The following DNM3 variants were observed in gnomAD, a reference collection of about 807,000 sequenced individuals.
DNM3 encodes the protein dynamin 3, also known as dynamin-3.
In DNM3, 47 loss-of-function variants were observed where a neutral mutation model predicts 101.6. That is an observed-to-expected ratio of 0.46 (90% CI 0.37 to 0.59). DNM3 has a LOEUF of 0.59. Ranked by LOEUF, DNM3 falls within the 20% of genes least tolerant of loss-of-function variation. The probability of loss-of-function intolerance (pLI) is 0.00; values close to 1 mark genes in which losing one functional copy is unlikely to be tolerated. For synonymous variants in DNM3, 385 were observed against 387.9 expected, an observed-to-expected ratio of 0.99 and a Z score of 0.09; for missense variants, 849 against 1,085.7, an observed-to-expected ratio of 0.78 and a Z score of 3.06.
chr1:171,993,488 T>A (rs2045776694), intron 4 of DNM3, among the ~76,000 whole-genome samples: 1 of 146,212 alleles, frequency 6.8e-6, no homozygotes, highest in Non-Finnish European at 1.5e-5. Context: ...CTCCTGCTGC[T>A]TTCAAGATTC....
intron 1 of DNM3, among the ~76,000 whole-genome samples, chr1:171,904,744 T>C (rs544620569): frequency 3.7e-4 from 57 of 152,106 alleles, no homozygotes; most frequent in African/African-American, 1.3e-3. Context: ...TATGTGGGTG[T>C]TGGGGATGAC....
chr1:172,134,428 T>C (rs2057111105), intron 14 of DNM3, among the ~76,000 whole-genome samples: 1 of 152,130 alleles, frequency 6.6e-6, no homozygotes, highest in African/African-American at 2.4e-5. Flanking sequence ...TATTGAGTAT[T>C]TATAGTTCAC....
At chr1:172,085,874 A>G (rs2053496146) in intron 12 of DNM3, among the ~76,000 whole-genome samples, 1 of 152,110 alleles carries the variant, frequency 6.6e-6, no homozygotes, top group Non-Finnish European at 1.5e-5. Flanking sequence ...TCTAGTTCCT[A>G]ATCTTACATG....
intron 16 of DNM3, among the ~76,000 whole-genome samples, chr1:172,312,970 G>C (rs2065145047): frequency 6.6e-6 from 1 of 152,170 alleles, no homozygotes; most frequent in Admixed American, 6.5e-5. Context: ...GAAAGGAGGA[G>C]TCCTGGATTC....
chr1:171,887,344 T>C lies in DNM3; in HGVS notation c.162-34404T>C, dbSNP rs185775348. Among the ~76,000 whole-genome samples, 30 of 152,324 alleles carry C rather than the reference T, an allele frequency of 2.0e-4. No homozygotes were observed. The East Asian group carries it at 4.8e-3, about 24-fold the overall frequency. On this transcript the variant is annotated intron_variant, in intron 1 of 20. Coordinates refer to ENST00000627582, the MANE Select transcript of DNM3 (RefSeq NM_015569.5). ...AAGACTGTTCCCCTGAACTAGGGACTGTTACTTCGAAATACAGACAATATC... is the reference window on the plus strand; with the variant it reads ...AAGACTGTTCCCCTGAACTAGGGACCGTTACTTCGAAATACAGACAATATC...
At chr1:172,323,076 G>T (rs2065790456) in intron 16 of DNM3, among the ~76,000 whole-genome samples, 1 of 152,154 alleles carries the variant, frequency 6.6e-6, no homozygotes, top group Admixed American at 6.5e-5. Context: ...CTAAGTTTCT[G>T]CTGTTATAAA....
chr1:172,063,139 A>G (rs919970705), intron 10 of DNM3, among the ~76,000 whole-genome samples: 2 of 152,258 alleles, frequency 1.3e-5, no homozygotes, highest in Admixed American at 6.5e-5. Context: ...AGTGATATGT[A>G]TAGAAGAAAT....
intron 20 of DNM3, among the ~76,000 whole-genome samples, chr1:172,407,390 T>C (rs1225044593): frequency 6.6e-6 from 1 of 152,058 alleles, no homozygotes; most frequent in Non-Finnish European, 1.5e-5. Context: ...ATGTGAGAAA[T>C]AAAAATTCAA....
chr1:172,178,587 G>A (rs1251528998), intron 14 of DNM3, among the ~76,000 whole-genome samples: 2 of 151,808 alleles, frequency 1.3e-5, no homozygotes, highest in Admixed American at 1.3e-4. Context: ...GTAAGATAGT[G>A]CATGCCGTGA....
intron 2 of DNM3, among the ~76,000 whole-genome samples, chr1:171,957,439 C>T (rs569258128): frequency 1.3e-5 from 2 of 152,248 alleles, no homozygotes; most frequent in Non-Finnish European, 2.9e-5. Context: ...ACCTTGTGAT[C>T]TGCCTGCCTC....
chr1:172,337,037 CATG>C (rs1181460488), intron 17 of DNM3, among the ~76,000 whole-genome samples: 6 of 152,226 alleles, frequency 3.9e-5, no homozygotes, highest in African/African-American at 1.4e-4. Flanking sequence ...TTTGTACTTG[CATG>C]ATGTTTTCAT....
chr1:172,102,809 T>C (rs1261620754), intron 13 of DNM3, among the ~76,000 whole-genome samples: 1 of 152,170 alleles, frequency 6.6e-6, no homozygotes, highest in Non-Finnish European at 1.5e-5. Flanking sequence ...TTTGATGCTC[T>C]CTGTTTTACA....
rs541792833 is a variant in DNM3 at position 172,117,256 on chromosome 1, A to G, written c.1546-13919A>G. ...GGCCTAAGCCTTCTCTCTATTTTAG[A>G]ATACCAGAATGGCGGCATTTTTTTT... On this transcript the variant is annotated intron_variant, in intron 13 of 20. Transcript: ENST00000627582. 2.1e-3 allele frequency among the ~76,000 whole-genome samples: 316 copies of G among 152,114 alleles called. 1 individual carries two copies. The highest frequency in any genetic ancestry group is 2.3e-3 in the Non-Finnish European group (153 of 67,982).
intron 14 of DNM3, among the ~76,000 whole-genome samples, chr1:172,231,349 T>A (rs992816811): frequency 8.5e-5 from 13 of 152,108 alleles, no homozygotes; most frequent in African/African-American, 3.1e-4. Flanking sequence ...GGAGTGGACC[T>A]CCAGCAAACT....
intron 14 of DNM3, among the ~76,000 whole-genome samples, chr1:172,222,238 A>G (rs1334989697): frequency 6.6e-6 from 1 of 152,194 alleles, no homozygotes; most frequent in Non-Finnish European, 1.5e-5. Flanking sequence ...TACCTAAACT[A>G]TGGTATTCAC....
At chr1:172,389,039 C>G in intron 20 of DNM3, 1 of 563,910 alleles carries the variant, frequency 1.8e-6, no homozygotes, top group East Asian at 2.9e-5. Context: ...CTAAATAGGA[C>G]TAAAGAACAC....
At chr1:172,134,340 G>C (rs973629490) in intron 14 of DNM3, among the ~76,000 whole-genome samples, 1 of 152,102 alleles carries the variant, frequency 6.6e-6, no homozygotes, top group Non-Finnish European at 1.5e-5. Flanking sequence ...AATGACTAGG[G>C]GGAATGCTAC....
chr1:172,026,784 G>C lies in DNM3; in HGVS notation c.590-5618G>C, dbSNP rs1020420673. ...TTCTCCTGCCTCAGCCTCCCAAGTAGCTGGGACTACAGGCACCTGCTACCA... is the reference window on the plus strand; with the variant it reads ...TTCTCCTGCCTCAGCCTCCCAAGTACCTGGGACTACAGGCACCTGCTACCA... On this transcript the variant is annotated intron_variant, in intron 4 of 20. Coordinates refer to ENST00000627582, the MANE Select transcript of DNM3 (RefSeq NM_015569.5). Among the ~76,000 whole-genome samples the C allele has an allele frequency of 2.0e-5, 3 of 151,912 alleles. No homozygotes were observed. In the East Asian group the frequency reaches 5.8e-4, roughly 29 times the overall value.
At chr1:172,164,933 AG>A (rs2058694278) in intron 14 of DNM3, among the ~76,000 whole-genome samples, 1 of 152,074 alleles carries the variant, frequency 6.6e-6, no homozygotes. Context: ...CAAAGCCCAA[AG>A]CAAGCATGCC....
Sources: allele counts gnomAD v4.1 joint callset (sites outside exome capture counted in the v4.1 genomes callset), GRCh38; gene constraint gnomAD v4.1.1; transcripts MANE v1.5; gene names NCBI Gene and HGNC (gene_info 2026-07-23, HGNC 2026-07-21).